Variants in ALG8 observed in about 807,000 individuals in gnomAD.
ALG8 encodes the protein dolichyl pyrophosphate Glc1Man9GlcNAc2 alpha-1,3-glucosyltransferase.
A neutral mutation model predicts 70.2 loss-of-function variants in ALG8; 48 were observed. The ratio of observed to expected loss-of-function variants is 0.68; its 90% confidence interval spans 0.54 to 0.87. ALG8 has a LOEUF of 0.87. ALG8 is among the 40% of genes least tolerant of loss of function. The pLI, the probability that ALG8 is intolerant of heterozygous loss-of-function variation, is 0.00. For missense variants in ALG8, 572 were observed against 608.7 expected, an observed-to-expected ratio of 0.94 and a Z score of 0.64; for synonymous variants, 234 against 229.0, an observed-to-expected ratio of 1.02 and a Z score of -0.20.
At chr11:78,113,715 AC>A (rs66626469) in intron 7 of ALG8, among the ~76,000 whole-genome samples, 170 bp downstream of exon 7, 94,935 of 144,324 alleles carry the variant, frequency 0.66, 32,244 homozygotes, top group African/African-American at 0.82. Flanking sequence ...TCCATCTTAA[AC>A]AAAAACAAAA....
chr11:78,123,918 C>A, intron 3 of ALG8, 103 bp downstream of exon 3: 1 of 1,266,868 alleles, frequency 7.9e-7, no homozygotes, highest in Non-Finnish European at 1.1e-6. Flanking sequence ...CATTTGCTAT[C>A]ATATAAACTT....
chr11:78,119,461 C>T (rs1340969688), intron 4 of ALG8, among the ~76,000 whole-genome samples: 4 of 141,962 alleles, frequency 2.8e-5, no homozygotes, highest in Non-Finnish European at 6.0e-5. Context: ...TGGAGTCTCA[C>T]TCTGTCACCC....
At chr11:78,134,755 G>T (rs537557191) in intron 1 of ALG8, among the ~76,000 whole-genome samples, 8 of 152,190 alleles carry the variant, frequency 5.3e-5, no homozygotes, top group Admixed American at 1.3e-4. Context: ...GTTGTATCAT[G>T]AGATATCATG....
chr11:78,117,543 T>A (rs1342401052), intron 5 of ALG8, among the ~76,000 whole-genome samples: 1 of 148,454 alleles, frequency 6.7e-6, no homozygotes, highest in Non-Finnish European at 1.5e-5. Flanking sequence ...GAGGCCAGAG[T>A]GGGAGGATCA....
intron 1 of ALG8, among the ~76,000 whole-genome samples, chr11:78,136,905 CTTT>C (rs111381491): frequency 6.9e-6 from 1 of 145,744 alleles, no homozygotes; most frequent in Non-Finnish European, 1.5e-5. Context: ...TCTTTTCTTC[CTTT>C]TTTTTTTTTT....
intron 4 of ALG8, among the ~76,000 whole-genome samples, chr11:78,120,494 A>G (rs1860772138): frequency 7.5e-6 from 1 of 133,498 alleles, no homozygotes; most frequent in Admixed American, 6.8e-5. Flanking sequence ...CATGGTTCTA[A>G]AGCTGCTAAT....
intron 4 of ALG8, among the ~76,000 whole-genome samples, chr11:78,120,325 C>T (rs1307515870): frequency 6.6e-6 from 1 of 152,154 alleles, no homozygotes; most frequent in Admixed American, 6.5e-5. Context: ...ATGGACCTAA[C>T]TGCTACTAAG....
Position 78,124,134 on chromosome 11 carries a change from A to C in ALG8, c.255T>G (p.Phe85Leu), listed in dbSNP as rs1218720783. 1 of 1,614,202 alleles carries C rather than the reference A, an allele frequency of 6.2e-7. No homozygotes were observed. The highest frequency in any genetic ancestry group is 2.2e-5 in the East Asian group (1 of 44,882). The change falls in exon 3 of 13, where the codon TTT becomes TTG. Residue 85 changes from phenylalanine to leucine, a missense_variant. Physicochemically the swap from Phe to Leu is conservative, Grantham distance 22. Transcript: ENST00000299626. ...EYILSHVAKY[F>L]DQEMLNVHNL... ...TATGGACATTCAGCATTTCTTGATC[A>C]AAATATTTGGCAACATGTGACAGGA... is the stretch of plus-strand genomic sequence containing the variant.
chr11:78,113,754 G>T, intron 7 of ALG8, 132 bp downstream of exon 7: 1 of 703,616 alleles, frequency 1.4e-6, no homozygotes. Flanking sequence ...CCCTATCTTT[G>T]GGGAGTCACG....
intron 3 of ALG8, among the ~76,000 whole-genome samples, chr11:78,121,536 T>A (rs1469227507): frequency 7.0e-6 from 1 of 141,994 alleles, no homozygotes; most frequent in Non-Finnish European, 1.5e-5. Flanking sequence ...CTGGGCGACA[T>A]AGTAAGACCT....
rs1449090496 is a variant in ALG8 at position 78,120,920 on chromosome 11, CCA to C, written c.478+143_478+144del. On this transcript the variant is annotated intron_variant, in intron 4 of 12. Coordinates refer to ENST00000299626, the MANE Select transcript of ALG8 (RefSeq NM_024079.5). ...AGAGTCCAGTGAAGTTGGGCAGAGA[CCA>C]CAGTTAAGTGAGCCTACTAACCCAC... 8 of 737,144 alleles carry C rather than the reference CCA, an allele frequency of 1.1e-5. No individual in the cohort carries two copies. The Admixed American group carries it at 1.8e-4, about 17-fold the overall frequency. The allele number at this position is 737,144 out of a possible 1,614,324, so 45.7% of individuals were successfully genotyped here.
chr11:78,106,951 A>G lies in ALG8; in HGVS notation c.1039-5T>C, dbSNP rs112211908. ...CCAAAGACAGAAAATAGAGGGCTAGAAACAACAGGCAAAGATAAACTTCAG... is the reference window on the plus strand; with the variant it reads ...CCAAAGACAGAAAATAGAGGGCTAGGAACAACAGGCAAAGATAAACTTCAG... On this transcript the variant is annotated splice_region_variant and splice_polypyrimidine_tract_variant and intron_variant, in intron 9 of 12. Transcript: ENST00000299626. 3.5e-3 allele frequency: 5,707 copies of G among 1,613,922 alleles called. 188 individuals carry two copies. The African/African-American group carries it at 0.068, about 19-fold the overall frequency.
Position 78,119,170 on chromosome 11 carries a change from A to C in ALG8, c.546+12T>G, listed in dbSNP as rs1169043575. ...TAAAAGGGAAAAAATCTAATTAAACAATTATGTTTACCTGAAATAATCGTG... is the reference window on the plus strand; with the variant it reads ...TAAAAGGGAAAAAATCTAATTAAACCATTATGTTTACCTGAAATAATCGTG... On this transcript the variant is annotated intron_variant, in intron 5 of 12. Transcript: ENST00000299626. The C allele has an allele frequency of 4.4e-6, 7 of 1,588,206 alleles. No homozygotes were observed. The Admixed American group carries it at 1.0e-4, about 23-fold the overall frequency.
intron 8 of ALG8, 103 bp from the exon 9 acceptor site, chr11:78,109,684 C>T: frequency 2.7e-6 from 3 of 1,112,102 alleles, no homozygotes; most frequent in Non-Finnish European, 1.3e-6. Context: ...GCTACTAAAT[C>T]TTATTGCTGC....
Position 78,127,394 on chromosome 11 carries a change from G to A in ALG8, c.138C>T (p.Ile46=), listed in dbSNP as rs1861126897. The change falls in exon 2 of 13, where the codon ATC becomes ATT. Residue 46 remains isoleucine, a synonymous_variant. Transcript: ENST00000299626. ...DFEVHRNWLA[I]THSLPISQWY... ...ACTGTGATATTGGCAAACTGTGAGT[G>A]ATAGCAAGCCAGTTTCGGTGTACTT... 1 of 1,613,778 alleles carries A rather than the reference G, an allele frequency of 6.2e-7. No individual in the cohort carries two copies. Among genetic ancestry groups the A allele is most frequent in the Non-Finnish European group, 8.5e-7 (1 of 1,179,922 alleles).
chr11:78,132,923 G>A (rs1438801365), intron 1 of ALG8, among the ~76,000 whole-genome samples: 4 of 142,498 alleles, frequency 2.8e-5, no homozygotes, highest in Non-Finnish European at 4.5e-5. Flanking sequence ...TGCAAGCTCC[G>A]CCTTCCGGGT....
intron 7 of ALG8, 142 bp from the exon 8 acceptor site, chr11:78,112,912 C>T: frequency 1.0e-6 from 1 of 988,874 alleles, no homozygotes; most frequent in South Asian, 1.5e-5. Context: ...ATATGCTCAC[C>T]ACAATGTAAG....
chr11:78,124,335 G>T, intron 2 of ALG8, 121 bp from the exon 3 acceptor site: 1 of 975,502 alleles, frequency 1.0e-6, no homozygotes, highest in South Asian at 1.4e-5. Context: ...GGGCGTGGTA[G>T]CTCACACCTG....
At chr11:78,130,965 CCT>C (rs1252351056) in intron 1 of ALG8, among the ~76,000 whole-genome samples, 7 of 152,096 alleles carry the variant, frequency 4.6e-5, no homozygotes, top group African/African-American at 1.7e-4. Flanking sequence ...TCTGATAATT[CCT>C]GTTTCATAGC....
Sources: allele counts gnomAD v4.1 joint callset (sites outside exome capture counted in the v4.1 genomes callset), GRCh38; gene constraint gnomAD v4.1.1; transcripts MANE v1.5; gene names NCBI Gene and HGNC (gene_info 2026-07-23, HGNC 2026-07-21).